The following TRHDE variants were observed in gnomAD, a reference collection of about 807,000 sequenced individuals.
The protein encoded by TRHDE is thyrotropin-releasing hormone-degrading ectoenzyme.
In TRHDE, 72 loss-of-function variants were observed where a neutral mutation model predicts 125.7. The observed-to-expected ratio is 0.57, with a 90% CI of 0.47 to 0.70. The LOEUF (loss-of-function observed/expected upper bound fraction) is 0.70. Ranked by LOEUF, TRHDE falls within the 30% of genes least tolerant of loss-of-function variation. The pLI is 0.00. For synonymous variants in TRHDE, 509 were observed against 509.1 expected (o/e 1.00, Z 0.00); for missense variants, 1,110 against 1,327.1 (o/e 0.84, Z 2.54).
At chr12:72,147,695 T>C (rs1368009573) in intron 2 of TRHDE, 2 of 152,236 alleles carry the variant, frequency 1.3e-5, no homozygotes, top group Non-Finnish European at 2.9e-5. Context: ...CTCTCATCAT[T>C]GAAGGTCATG....
chr12:72,196,033 G>A (rs1361576814), intron 2 of TRHDE, among the ~76,000 whole-genome samples: 1 of 152,148 alleles, frequency 6.6e-6, no homozygotes, highest in Non-Finnish European at 1.5e-5. Flanking sequence ...TCAGATGGCT[G>A]TAGGTGTGCA....
chr12:72,643,133 G>A (rs1874137251), intron 15 of TRHDE, among the ~76,000 whole-genome samples: 1 of 152,146 alleles, frequency 6.6e-6, no homozygotes, highest in Non-Finnish European at 1.5e-5. Context: ...TAAAAAACAT[G>A]AGGAGTTGAT....
At chr12:72,302,469 A>T (rs1868276708) in intron 2 of TRHDE, among the ~76,000 whole-genome samples, 1 of 152,158 alleles carries the variant, frequency 6.6e-6, no homozygotes, top group Non-Finnish European at 1.5e-5. Flanking sequence ...TACTATTCTA[A>T]GGTCTTTACA....
At chr12:72,626,341 T>G (rs1438092030) in intron 15 of TRHDE, among the ~76,000 whole-genome samples, 2 of 151,856 alleles carry the variant, frequency 1.3e-5, no homozygotes, top group Non-Finnish European at 2.9e-5. Flanking sequence ...TTGCAGAAAA[T>G]TATAAAACAC....
chr12:72,091,844 C>T (rs1874799626), intron 1 of TRHDE, among the ~76,000 whole-genome samples: 1 of 152,202 alleles, frequency 6.6e-6, no homozygotes, highest in South Asian at 2.1e-4. Flanking sequence ...AATTAAGCAG[C>T]TGACCAATAG....
At chr12:72,312,041 A>G (rs1483074825) in intron 2 of TRHDE, among the ~76,000 whole-genome samples, 1 of 151,948 alleles carries the variant, frequency 6.6e-6, no homozygotes, top group African/African-American at 2.4e-5. Context: ...CACATATGTT[A>G]TAGACACTTA....
chr12:72,495,036 A>G (rs1346566327), intron 5 of TRHDE, among the ~76,000 whole-genome samples: 8 of 74,164 alleles, frequency 1.1e-4, no homozygotes, highest in African/African-American at 2.2e-4. Flanking sequence ...CTACTTCTCC[A>G]TTTCTGTCAA....
chr12:72,121,119 T>C (rs954225193), intron 2 of TRHDE, among the ~76,000 whole-genome samples: 1 of 152,242 alleles, frequency 6.6e-6, no homozygotes, highest in Non-Finnish European at 1.5e-5. Flanking sequence ...ATTACAGTGT[T>C]GTAATATTCT....
chr12:72,337,877 C>T (rs1169194951), intron 2 of TRHDE, among the ~76,000 whole-genome samples: 1 of 152,012 alleles, frequency 6.6e-6, no homozygotes, highest in African/African-American at 2.4e-5. Flanking sequence ...ACACTGTTTT[C>T]CCATTGCACG....
chr12:72,429,559 T>C (rs543915518), intron 3 of TRHDE, among the ~76,000 whole-genome samples: 1 of 152,136 alleles, frequency 6.6e-6, no homozygotes, highest in Non-Finnish European at 1.5e-5. Context: ...GTGGAATTAC[T>C]GGATCATGTG....
intron 2 of TRHDE, among the ~76,000 whole-genome samples, chr12:72,206,745 A>AAATTAATACAT (rs1194591718): frequency 2.0e-5 from 3 of 152,084 alleles, no homozygotes; most frequent in African/African-American, 4.8e-5. Context: ...TTAAAAAAGA[A>AAATTAATACAT]AATTAATACA....
intron 6 of TRHDE, among the ~76,000 whole-genome samples, chr12:72,520,014 G>A (rs1879101810): frequency 6.6e-6 from 1 of 152,220 alleles, no homozygotes; most frequent in South Asian, 2.1e-4. Context: ...ATGTCCAGCT[G>A]TGTGCTGGGA....
At chr12:72,563,816 A>T (rs1225917336) in intron 9 of TRHDE, among the ~76,000 whole-genome samples, 1 of 141,718 alleles carries the variant, frequency 7.1e-6, no homozygotes, top group Admixed American at 7.0e-5. Flanking sequence ...GGGGTGGGGG[A>T]TGGGAGCTAC....
intron 2 of TRHDE, among the ~76,000 whole-genome samples, chr12:72,149,127 A>C (rs1386009539): frequency 6.6e-6 from 1 of 152,058 alleles, no homozygotes; most frequent in Non-Finnish European, 1.5e-5. Flanking sequence ...ATTGCAAAAC[A>C]AACAGGGTTC....
At chr12:72,556,713 A>C (rs1238050203) in intron 7 of TRHDE, among the ~76,000 whole-genome samples, 1 of 152,216 alleles carries the variant, frequency 6.6e-6, no homozygotes, top group Non-Finnish European at 1.5e-5. Context: ...ACTGGTATTT[A>C]AATGCTGGAA....
intron 2 of TRHDE, among the ~76,000 whole-genome samples, chr12:72,233,352 G>C (rs754202136): frequency 6.6e-6 from 1 of 152,106 alleles, no homozygotes; most frequent in African/African-American, 2.4e-5. Context: ...CTCAAGGGGG[G>C]CAGAAAGGGA....
chr12:72,620,328 C>A (rs1479618868), intron 13 of TRHDE, among the ~76,000 whole-genome samples: 1 of 70,172 alleles, frequency 1.4e-5, no homozygotes, highest in Non-Finnish European at 2.2e-5. Context: ...CATGGTGAAA[C>A]CCATCTCTAC....
intron 5 of TRHDE, among the ~76,000 whole-genome samples, chr12:72,489,793 G>A (rs1200618485): frequency 6.6e-6 from 1 of 151,672 alleles, no homozygotes; most frequent in Non-Finnish European, 1.5e-5. Flanking sequence ...ATTTCCATAT[G>A]TCAAAGAATA....
intron 6 of TRHDE, among the ~76,000 whole-genome samples, chr12:72,500,107 ATAAC>A (rs1468189798): frequency 2.8e-4 from 43 of 152,340 alleles, no homozygotes; most frequent in Admixed American, 2.5e-3. Context: ...CATTTCCTGA[ATAAC>A]TAAGCATAAC....
Sources: gnomAD v4.1 joint callset for allele counts (sites outside exome capture counted in the v4.1 genomes callset) on GRCh38, gnomAD v4.1.1 for gene constraint, MANE v1.5 for transcripts, NCBI Gene and HGNC (gene_info 2026-07-23, HGNC 2026-07-21) for gene names.